Variants in SPAG16 observed in about 807,000 individuals in gnomAD.
The protein encoded by SPAG16 is sperm associated antigen 16.
SPAG16 carries 86 observed loss-of-function variants against 80.4 expected under a neutral mutation model. The observed-to-expected ratio is 1.07, with a 90% confidence interval of 0.90 to 1.28. The LOEUF is 1.28. SPAG16 is among the 50% of genes most tolerant of loss of function. The pLI, the probability that SPAG16 is intolerant of heterozygous loss-of-function variation, is 0.00. For missense variants in SPAG16, 870 were observed against 765.3 expected (o/e 1.14, Z -1.61); for synonymous variants, 294 against 265.9 (o/e 1.11, Z -1.03).
chr2:213,789,932 T>C (rs1172065751), intron 10 of SPAG16, among the ~76,000 whole-genome samples: 2 of 151,984 alleles, frequency 1.3e-5, no homozygotes, highest in Admixed American at 6.6e-5. Context: ...GAGTCAAAAC[T>C]GTGGTATTAT....
At chr2:213,545,480 T>C (rs1278791110) in intron 10 of SPAG16, among the ~76,000 whole-genome samples, 4 of 152,134 alleles carry the variant, frequency 2.6e-5, no homozygotes, top group Non-Finnish European at 5.9e-5. Flanking sequence ...GAAATCCAGC[T>C]TATCAATTTA....
chr2:213,718,286 A>G (rs957208023), intron 10 of SPAG16, among the ~76,000 whole-genome samples: 2 of 152,220 alleles, frequency 1.3e-5, no homozygotes, highest in Non-Finnish European at 2.9e-5. Flanking sequence ...GAGAAATGCA[A>G]ACCAAAACCA....
intron 15 of SPAG16, among the ~76,000 whole-genome samples, chr2:214,159,943 A>G (rs1282236390): frequency 6.6e-6 from 1 of 151,982 alleles, no homozygotes; most frequent in South Asian, 2.1e-4. Flanking sequence ...AATTATGTTA[A>G]TTCGGTTGAC....
In SPAG16 at chr2:213,780,571, C is replaced by CTTTT. The variant is rs367744311; in HGVS notation, c.1071-81899_1071-81896dup. Among the ~76,000 whole-genome samples the CTTTT allele has an allele frequency of 1.1e-4, 14 of 124,590 alleles. 1 individual carries two copies. Among genetic ancestry groups the CTTTT allele is most frequent in the African/African-American group, 1.2e-4 (4 of 33,478 alleles). 81.7% of individuals were successfully genotyped at this position (124,590 alleles called of 152,430 possible). A position where few individuals can be genotyped will look rare whatever the true frequency, so the allele number is the denominator to read the frequency against. Reference sequence around the variant, plus strand: ...AGGTCCAAACATTTTTCTTTTCTTTCTTTTTTTTTTTTTTTTTTGGTGGTG... The same window carrying CTTTT: ...AGGTCCAAACATTTTTCTTTTCTTTCTTTTTTTTTTTTTTTTTTTTTTGGTGGTG... On this transcript the variant is annotated intron_variant, in intron 10 of 15. Transcript: ENST00000331683.
chr2:213,388,521 A>C (rs2067568617), intron 9 of SPAG16, among the ~76,000 whole-genome samples: 1 of 152,220 alleles, frequency 6.6e-6, no homozygotes, highest in South Asian at 2.1e-4. Context: ...TCCTGAGAAA[A>C]CAGTAAGGTT....
chr2:214,178,736 A>G (rs552265239), intron 15 of SPAG16, among the ~76,000 whole-genome samples: 3 of 151,486 alleles, frequency 2.0e-5, no homozygotes, highest in South Asian at 4.1e-4. Flanking sequence ...TAATATTTCT[A>G]ATTTCTATTA....
intron 15 of SPAG16, among the ~76,000 whole-genome samples, chr2:214,284,797 CTGTGTG>C (rs34221048): frequency 0.057 from 8,506 of 149,806 alleles, 284 homozygotes; most frequent in Middle Eastern, 0.11. Flanking sequence ...ATATTTTACT[CTGTGTG>C]TGTGTGTGTG....
chr2:213,972,403 T>A (rs2045117120), intron 12 of SPAG16, among the ~76,000 whole-genome samples: 1 of 152,134 alleles, frequency 6.6e-6, no homozygotes, highest in Non-Finnish European at 1.5e-5. Flanking sequence ...ACAGAAAAGA[T>A]GTTGGTGTAG....
chr2:213,739,850 C>T lies in SPAG16; in HGVS notation c.1071-122635C>T, dbSNP rs2067464581. Among the ~76,000 whole-genome samples the T allele has an allele frequency of 5.3e-5, 8 of 152,318 alleles. No individual in the cohort carries two copies. The South Asian group carries it at 1.7e-3, about 32-fold the overall frequency. On this transcript the variant is annotated intron_variant, in intron 10 of 15. Coordinates refer to ENST00000331683, the MANE Select transcript of SPAG16 (RefSeq NM_024532.5). ...CTCCTGACCTCAGGCTATCTGCCTG[C>T]CTCGACCTCCCAAAGTGCTGGGACC...
intron 10 of SPAG16, among the ~76,000 whole-genome samples, chr2:213,822,907 G>T (rs903138026): frequency 1.3e-5 from 2 of 152,068 alleles, no homozygotes; most frequent in African/African-American, 2.4e-5. Context: ...GACATGATCT[G>T]GTTCCTTTTT....
chr2:213,485,287 C>T (rs1180782660), intron 9 of SPAG16, among the ~76,000 whole-genome samples: 1 of 152,164 alleles, frequency 6.6e-6, no homozygotes, highest in African/African-American at 2.4e-5. Context: ...AGCCACTGCA[C>T]CCAGACAATA....
chr2:213,339,783 A>G (rs1443970032), intron 5 of SPAG16, among the ~76,000 whole-genome samples: 1 of 148,868 alleles, frequency 6.7e-6, no homozygotes, highest in East Asian at 1.9e-4. Flanking sequence ...TAAATTCCAT[A>G]AAGTCTTTAT....
At chr2:213,700,938 A>G (rs2065384433) in intron 10 of SPAG16, among the ~76,000 whole-genome samples, 1 of 152,160 alleles carries the variant, frequency 6.6e-6, no homozygotes, top group South Asian at 2.1e-4. Context: ...CTTGAGGTTC[A>G]GGAGTTCAAG....
At chr2:214,392,055 A>G (rs1486832402) in intron 15 of SPAG16, among the ~76,000 whole-genome samples, 1 of 152,222 alleles carries the variant, frequency 6.6e-6, no homozygotes, top group East Asian at 1.9e-4. Flanking sequence ...AGCAAACCAC[A>G]AGATTCATTG....
At chr2:213,849,478 A>C (rs777157780) in intron 10 of SPAG16, among the ~76,000 whole-genome samples, 1 of 152,256 alleles carries the variant, frequency 6.6e-6, no homozygotes, top group Non-Finnish European at 1.5e-5. Context: ...AATGATAAAA[A>C]AATTAATATT....
chr2:213,603,642 G>A (rs1240884406), intron 10 of SPAG16, among the ~76,000 whole-genome samples: 2 of 152,170 alleles, frequency 1.3e-5, no homozygotes, highest in African/African-American at 4.8e-5. Flanking sequence ...GAATATTTGT[G>A]TGGGGAATGA....
At chr2:214,355,585 C>T (rs1698729482) in intron 15 of SPAG16, among the ~76,000 whole-genome samples, 1 of 141,284 alleles carries the variant, frequency 7.1e-6, no homozygotes, top group African/African-American at 2.5e-5. Context: ...GGACTGTAAA[C>T]TAGTTCAACC....
intron 12 of SPAG16, among the ~76,000 whole-genome samples, chr2:214,006,138 TA>T (rs1270535832): frequency 3.3e-5 from 5 of 152,176 alleles, no homozygotes; most frequent in African/African-American, 1.2e-4. Flanking sequence ...CATGTTCACT[TA>T]AAAAATATCT....
At chr2:213,679,943 A>G (rs2064293632) in intron 10 of SPAG16, among the ~76,000 whole-genome samples, 1 of 152,136 alleles carries the variant, frequency 6.6e-6, no homozygotes, top group Admixed American at 6.6e-5. Flanking sequence ...TTTTAGGATT[A>G]TGGGGATAGA....
Sources: allele counts gnomAD v4.1 joint callset (sites outside exome capture counted in the v4.1 genomes callset), GRCh38; gene constraint gnomAD v4.1.1; transcripts MANE v1.5; gene names NCBI Gene and HGNC (gene_info 2026-07-23, HGNC 2026-07-21).